GRID2: variants seen among roughly 807,000 people sequenced by gnomAD.
GRID2 encodes the protein glutamate receptor ionotropic, delta-2.
In GRID2, 33 loss-of-function variants were observed where a neutral mutation model predicts 114.8. That is an observed-to-expected ratio of 0.29 (90% CI 0.22 to 0.38). The LOEUF is 0.38. Ranked by LOEUF, GRID2 falls within the 10% of genes least tolerant of loss-of-function variation. The pLI is 1.00. For synonymous variants in GRID2, 505 were observed against 449.9 expected, an observed-to-expected ratio of 1.12 and a Z score of -1.55; for missense variants, 1,184 against 1,257.7, an observed-to-expected ratio of 0.94 and a Z score of 0.89.
chr4:92,907,673 G>C (rs1298254595), intron 2 of GRID2, among the ~76,000 whole-genome samples: 1 of 151,932 alleles, frequency 6.6e-6, no homozygotes, highest in Admixed American at 6.6e-5. Context: ...GCCTCCCAAA[G>C]TGTTGGGAAT....
At chr4:92,466,404 G>A (rs189166501) in intron 1 of GRID2, among the ~76,000 whole-genome samples, 2 of 151,614 alleles carry the variant, frequency 1.3e-5, no homozygotes, top group East Asian at 3.9e-4. Flanking sequence ...TTCCTTTTCA[G>A]CATTCTGCTT....
chr4:92,921,110 C>A (rs1184036260), intron 2 of GRID2, among the ~76,000 whole-genome samples: 1 of 152,212 alleles, frequency 6.6e-6, no homozygotes, highest in Non-Finnish European at 1.5e-5. Flanking sequence ...CATCTTTCAT[C>A]ACTGATACCC....
At chr4:93,160,294 T>C (rs915905945) in intron 4 of GRID2, among the ~76,000 whole-genome samples, 1 of 151,734 alleles carries the variant, frequency 6.6e-6, no homozygotes, top group South Asian at 2.1e-4. Context: ...TAAGGTAATA[T>C]CATTGAATGC....
chr4:93,506,562 G>A (rs915820872), intron 12 of GRID2, among the ~76,000 whole-genome samples: 1 of 152,136 alleles, frequency 6.6e-6, no homozygotes, highest in Non-Finnish European at 1.5e-5. Context: ...AGAGTTAGGG[G>A]GAAGATGAAA....
intron 2 of GRID2, among the ~76,000 whole-genome samples, chr4:92,888,891 T>A (rs1009929768): frequency 6.6e-6 from 1 of 152,060 alleles, no homozygotes; most frequent in African/African-American, 2.4e-5. Context: ...CTAAAATCAA[T>A]GTTTCATGCT....
chr4:93,601,652 T>C (rs1739695838), intron 13 of GRID2, among the ~76,000 whole-genome samples: 1 of 152,330 alleles, frequency 6.6e-6, no homozygotes, highest in African/African-American at 2.4e-5. Flanking sequence ...TGTAAAATGT[T>C]TACTGGGATT....
At chr4:92,392,470 C>T (rs961274387) in intron 1 of GRID2, among the ~76,000 whole-genome samples, 9 of 151,940 alleles carry the variant, frequency 5.9e-5, no homozygotes, top group East Asian at 1.9e-4. Context: ...ACCCGGGAGG[C>T]GGAGATTGCA....
At chr4:93,658,409 C>T (rs1972862) in intron 14 of GRID2, among the ~76,000 whole-genome samples, 111,464 of 151,950 alleles carry the variant, frequency 0.73, 41,549 homozygotes, top group African/African-American at 0.87. Context: ...ATAATTTTAA[C>T]AGCAAAGGTC....
chr4:93,334,885 C>T (rs906621051), intron 8 of GRID2, among the ~76,000 whole-genome samples: 4 of 151,816 alleles, frequency 2.6e-5, no homozygotes, highest in Admixed American at 2.6e-4. Flanking sequence ...GAGCTGAGAT[C>T]ACGCCATTGC....
chr4:92,453,482 A>C (rs1056447788), intron 1 of GRID2, among the ~76,000 whole-genome samples: 1 of 152,232 alleles, frequency 6.6e-6, no homozygotes, highest in Admixed American at 6.5e-5. Context: ...ATATGCATAC[A>C]TAAGTATCAA....
rs527770693 is a variant in GRID2 at position 92,975,156 on chromosome 4, C to CAAA, written c.245-109820_245-109818dup. 4.1e-3 allele frequency among the ~76,000 whole-genome samples: 193 copies of CAAA among 46,638 alleles called. 11 individuals carry two copies. Among genetic ancestry groups the CAAA allele is most frequent in the Middle Eastern group, 0.021 (1 of 48 alleles). 30.6% of individuals were successfully genotyped at this position (46,638 alleles called of 152,430 possible). A position where few individuals can be genotyped will look rare whatever the true frequency, so the allele number is the denominator to read the frequency against. ...TGGGCGACAGAGTGAGATTCCGCCTCAAAAAAAAAAAAAAAAAAAAAGGTG... is the reference window on the plus strand; with the variant it reads ...TGGGCGACAGAGTGAGATTCCGCCTCAAAAAAAAAAAAAAAAAAAAAAAAGGTG... On this transcript the variant is annotated intron_variant, in intron 2 of 15. Transcript: ENST00000282020.
intron 1 of GRID2, among the ~76,000 whole-genome samples, chr4:92,585,937 T>C (rs952238140): frequency 6.6e-6 from 1 of 151,938 alleles, no homozygotes. Context: ...ACTTTTGTTT[T>C]AATTTAGGTT....
intron 8 of GRID2, among the ~76,000 whole-genome samples, chr4:93,266,405 A>G (rs1750832953): frequency 6.6e-6 from 1 of 152,070 alleles, no homozygotes; most frequent in African/African-American, 2.4e-5. Context: ...GTTGTTTTAT[A>G]TATTCAGAAC....
chr4:92,550,828 TG>T (rs1317837254), intron 1 of GRID2, among the ~76,000 whole-genome samples: 3 of 152,160 alleles, frequency 2.0e-5, no homozygotes, highest in Non-Finnish European at 4.4e-5. Context: ...AATATTAATG[TG>T]GAAAGGAATG....
intron 8 of GRID2, among the ~76,000 whole-genome samples, chr4:93,301,108 T>C (rs983238737): frequency 1.4e-4 from 21 of 152,238 alleles, no homozygotes; most frequent in Admixed American, 1.4e-3. Context: ...TATAAAACAA[T>C]ATAAAACAAT....
At chr4:93,068,922 T>C (rs1728558084) in intron 2 of GRID2, among the ~76,000 whole-genome samples, 2 of 152,026 alleles carry the variant, frequency 1.3e-5, no homozygotes, top group Admixed American at 6.6e-5. Context: ...TGGCTTCTAC[T>C]TGGCTTCTGG....
At chr4:93,792,721 G>T (rs1442420698) in intron 1 of GRID2, among the ~76,000 whole-genome samples, 1 of 152,178 alleles carries the variant, frequency 6.6e-6, no homozygotes, top group African/African-American at 2.4e-5. Flanking sequence ...TGAAGTCCAA[G>T]AAAGAGAACA....
chr4:92,427,197 G>A (rs1304501525), intron 1 of GRID2, among the ~76,000 whole-genome samples: 1 of 152,106 alleles, frequency 6.6e-6, no homozygotes, highest in Non-Finnish European at 1.5e-5. Flanking sequence ...TCTTGTATTA[G>A]TTAATCTTGT....
chr4:92,458,242 A>G (rs1251617363), intron 1 of GRID2, among the ~76,000 whole-genome samples: 1 of 152,206 alleles, frequency 6.6e-6, no homozygotes, highest in Admixed American at 6.5e-5. Flanking sequence ...TATGATAGGC[A>G]CGGTGAGAAC....
Sources: allele counts gnomAD v4.1 joint callset (sites outside exome capture counted in the v4.1 genomes callset), GRCh38; gene constraint gnomAD v4.1.1; transcripts MANE v1.5; gene names NCBI Gene and HGNC (gene_info 2026-07-23, HGNC 2026-07-21).